The following ODAD4 variants were observed in gnomAD, a reference collection of about 807,000 sequenced individuals.
ODAD4 encodes the protein outer dynein arm docking complex subunit 4.
ODAD4 carries 49 observed loss-of-function variants against 51.8 expected under a neutral mutation model. The observed-to-expected ratio is 0.95, with a 90% confidence interval of 0.75 to 1.20. The LOEUF (loss-of-function observed/expected upper bound fraction) is 1.20, where lower values mean the gene tolerates loss of function less well. Among genes scored for constraint, ODAD4 ranks in the 50% most tolerant of loss-of-function variants. The pLI is 0.00. For synonymous variants in ODAD4, 235 were observed against 221.3 expected, an observed-to-expected ratio of 1.06 and a Z score of -0.55; for missense variants, 590 against 586.5, an observed-to-expected ratio of 1.01 and a Z score of -0.06.
chr17:41,942,230 C>A (rs1369809565), intron 7 of ODAD4, among the ~76,000 whole-genome samples: 1 of 152,104 alleles, frequency 6.6e-6, no homozygotes, highest in Non-Finnish European at 1.5e-5. Flanking sequence ...GCCACCATGC[C>A]CGGGCTATTA....
chr17:41,945,274 C>A (rs781888983), intron 8 of ODAD4, 52 bp downstream of exon 8: 2 of 1,397,770 alleles, frequency 1.4e-6, no homozygotes, highest in African/African-American at 2.9e-5. Flanking sequence ...GAACTTCTCA[C>A]CATAACATGA....
At chr17:41,954,204 C>T (rs1482269094) in intron 9 of ODAD4, among the ~76,000 whole-genome samples, 4 of 151,372 alleles carry the variant, frequency 2.6e-5, no homozygotes, top group African/African-American at 9.7e-5. Flanking sequence ...CCAGGGTGGT[C>T]TCGAACTCCT....
At chr17:41,948,871 A>C (rs1278209010) in intron 8 of ODAD4, among the ~76,000 whole-genome samples, 1 of 151,988 alleles carries the variant, frequency 6.6e-6, no homozygotes, top group Non-Finnish European at 1.5e-5. Flanking sequence ...CGAACTCCTG[A>C]CCTCAGGTGA....
At chr17:41,956,152 A>G (rs2050729454) in intron 10 of ODAD4, among the ~76,000 whole-genome samples, 1 of 149,554 alleles carries the variant, frequency 6.7e-6, no homozygotes, top group African/African-American at 2.5e-5. Flanking sequence ...GGTTCAAACG[A>G]TTCACCTGCC....
At chr17:41,938,447 A>C in intron 5 of ODAD4, 110 bp from the exon 6 acceptor site, 1 of 863,042 alleles carries the variant, frequency 1.2e-6, no homozygotes, top group Non-Finnish European at 1.8e-6. Context: ...CAACAACTCC[A>C]AGCAGAGCAA....
intron 7 of ODAD4, among the ~76,000 whole-genome samples, chr17:41,942,786 G>T (rs907782826): frequency 1.3e-5 from 2 of 152,216 alleles, no homozygotes; most frequent in African/African-American, 4.8e-5. Context: ...GGCAGTGGGA[G>T]GTCTGGATGC....
chr17:41,965,464 T>C lies in ODAD4; in HGVS notation c.2000T>C (p.Met667Thr), dbSNP rs1377551982. 1 of 772,052 alleles carries C rather than the reference T, an allele frequency of 1.3e-6. No homozygotes were observed. The highest frequency in any genetic ancestry group is 2.4e-6 in the Non-Finnish European group (1 of 416,092). 47.8% of individuals were successfully genotyped at this position (772,052 alleles called of 1,614,324 possible). A position where few individuals can be genotyped will look rare whatever the true frequency, so the allele number is the denominator to read the frequency against. Residue 667 changes from methionine to threonine, a missense_variant, in exon 12 of 12, where the codon ATG becomes ACG. Transcript: ENST00000377540. ...IGETKKTGNE[M>T]EKEYE ...GAAACGAAAAAAACAGGAAATGAGA[T>C]GGAAAAGGAATATGAATGAAGCCAT...
In ODAD4 at chr17:41,935,758, C is replaced by T; in HGVS notation, c.397+9C>T. The T allele has an allele frequency of 6.2e-7, 1 of 1,613,670 alleles. No homozygotes were observed. Among genetic ancestry groups the T allele is most frequent in the South Asian group, 1.1e-5 (1 of 91,012 alleles). On this transcript the variant is annotated intron_variant, in intron 3 of 11. Coordinates refer to ENST00000377540, the MANE Select transcript of ODAD4 (RefSeq NM_031421.5). Reference sequence around the variant, plus strand: ...CAACAACTCAGTGGGAAGTGAGTGACCACAGGGCCTATGCCCTTATCCAGG... The same window carrying T: ...CAACAACTCAGTGGGAAGTGAGTGATCACAGGGCCTATGCCCTTATCCAGG...
intron 7 of ODAD4, 47 bp downstream of exon 7, chr17:41,939,219 CA>C: frequency 6.5e-7 from 1 of 1,544,950 alleles, no homozygotes; most frequent in Non-Finnish European, 8.8e-7. Flanking sequence ...CGGAGAAGGA[CA>C]CCTGGGGCTA....
chr17:41,962,847 G>A (rs1235454010), intron 11 of ODAD4, among the ~76,000 whole-genome samples: 4 of 152,242 alleles, frequency 2.6e-5, no homozygotes, highest in African/African-American at 9.6e-5. Context: ...CAGATTCTTG[G>A]CTGCAGCCCT....
At chr17:41,949,475 G>C in intron 9 of ODAD4, 126 bp downstream of exon 9, 1 of 396,178 alleles carries the variant, frequency 2.5e-6, no homozygotes, top group Non-Finnish European at 4.4e-6. Context: ...TTCTGAGAGT[G>C]GGGATAAGCC....
In ODAD4 at chr17:41,944,444, AC is replaced by A. The variant is rs10578034; in HGVS notation, c.1059-685del. 3.1e-3 allele frequency among the ~76,000 whole-genome samples: 60 copies of A among 19,564 alleles called. 1 individual carries two copies. Among genetic ancestry groups the A allele is most frequent in the South Asian group, 4.2e-3 (1 of 238 alleles). 12.8% of individuals were successfully genotyped at this position (19,564 alleles called of 152,430 possible). On this transcript the variant is annotated intron_variant, in intron 7 of 11. Transcript: ENST00000377540. ...CACACACACACACACACACACACAC[AC>A]CCCCCCGCATACACAGAAATTGCCT...
Position 41,960,455 on chromosome 17 carries a change from AAAAC to A in ODAD4, c.1444-911_1444-908del, listed in dbSNP as rs782286501. On this transcript the variant is annotated intron_variant, in intron 10 of 11. Transcript: ENST00000377540. ...AGAGCGAGACTCTGTCTCAAAAAAA[AAAAC>A]AAACAAACAAACAAAAAACAAAGCA... Among the ~76,000 whole-genome samples the A allele has an allele frequency of 8.4e-3, 1,273 of 151,786 alleles. 18 individuals are homozygous for A. Among genetic ancestry groups the A allele is most frequent in the African/African-American group, 0.029 (1,216 of 41,234 alleles).
chr17:41,944,434 ACACACACACACCCC>A (rs1460398992), intron 7 of ODAD4, among the ~76,000 whole-genome samples: 21 of 7,948 alleles, frequency 2.6e-3, no homozygotes, highest in African/African-American at 3.9e-3. Context: ...ACACACACAC[ACACACACACACCCC>A]CCCGCATACA....
rs573094751 is a variant in ODAD4, at chr17:41,936,195, G to C, written c.398-278G>C. 5.3e-5 allele frequency among the ~76,000 whole-genome samples: 8 copies of C among 152,340 alleles called. No individual in the cohort carries two copies. The South Asian group carries it at 1.7e-3, about 32-fold the overall frequency. On this transcript the variant is annotated intron_variant, in intron 3 of 11. Transcript: ENST00000377540. Reference sequence around the variant, plus strand: ...GTGAGAGCAAGTGAGAGCTTGCTCTGTCGGTGGCAAGGCCTGGAAATGGAC... The same window carrying C: ...GTGAGAGCAAGTGAGAGCTTGCTCTCTCGGTGGCAAGGCCTGGAAATGGAC...
intron 9 of ODAD4, among the ~76,000 whole-genome samples, chr17:41,953,497 G>A (rs1442564117): frequency 2.6e-5 from 4 of 152,030 alleles, no homozygotes; most frequent in African/African-American, 9.7e-5. Context: ...GACCTTGGCT[G>A]GTAAGCACTT....
intron 7 of ODAD4, among the ~76,000 whole-genome samples, chr17:41,944,391 TACACACACACACACACACAC>T (rs1158342629): frequency 1.3e-5 from 1 of 78,760 alleles, no homozygotes; most frequent in African/African-American, 6.6e-5. Context: ...CAAACACACA[TACACACACACACACACACAC>T]ACACACACAC....
intron 8 of ODAD4, among the ~76,000 whole-genome samples, chr17:41,946,525 A>C (rs1555639590): frequency 6.6e-6 from 1 of 152,036 alleles, no homozygotes; most frequent in African/African-American, 2.4e-5. Flanking sequence ...AGGTTTCACC[A>C]TATTGGTCAG....
At position 41,964,179 on chromosome 17, in the gene ODAD4, G is replaced by A. The variant is rs1436375708; in HGVS notation, c.1529-814G>A. ...GGGTTCAAGCGATTCTCCTGCCTCA[G>A]CCTCCCAAGTAGCTGGGATTACAGG... On this transcript the variant is annotated intron_variant, in intron 11 of 11. Transcript: ENST00000377540. 5.3e-5 allele frequency among the ~76,000 whole-genome samples: 8 copies of A among 152,110 alleles called. No homozygotes were observed. The South Asian group carries it at 1.2e-3, about 24-fold the overall frequency.
Sources: allele counts gnomAD v4.1 joint callset (sites outside exome capture counted in the v4.1 genomes callset), GRCh38; gene constraint gnomAD v4.1.1; transcripts MANE v1.5; gene names NCBI Gene and HGNC (gene_info 2026-07-23, HGNC 2026-07-21).